Variants in HMCES observed in about 807,000 individuals in gnomAD.
HMCES encodes abasic site processing protein HMCES.
HMCES carries 27 observed loss-of-function variants against 35.1 expected under a neutral mutation model. That is an observed-to-expected ratio of 0.77 (90% CI 0.57 to 1.06). The LOEUF (loss-of-function observed/expected upper bound fraction) is 1.06, where lower values mean the gene tolerates loss of function less well. HMCES is among the 50% of genes least tolerant of loss of function. The probability of loss-of-function intolerance (pLI) is 0.00; values close to 1 mark genes in which losing one functional copy is unlikely to be tolerated. For missense variants in HMCES, 391 were observed against 430.4 expected (o/e 0.91, Z 0.81); for synonymous variants, 130 against 154.7 (o/e 0.84, Z 1.18).
intron 5 of HMCES, among the ~76,000 whole-genome samples, chr3:129,300,166 TTATATATATA>T (rs35145445): frequency 1.4e-5 from 2 of 141,190 alleles, no homozygotes; most frequent in Admixed American, 7.2e-5. Context: ...ATGTGCATCT[TTATATATATA>T]TATATATATA....
At chr3:129,283,216 G>A (rs1940545792) in intron 2 of HMCES, among the ~76,000 whole-genome samples, 1 of 152,020 alleles carries the variant, frequency 6.6e-6, no homozygotes, top group African/African-American at 2.4e-5. Flanking sequence ...GAGAACCACA[G>A]ATTTTTTCAG....
At chr3:129,299,878 C>T (rs1300571739) in intron 5 of HMCES, among the ~76,000 whole-genome samples, 1 of 151,758 alleles carries the variant, frequency 6.6e-6, no homozygotes, top group Non-Finnish European at 1.5e-5. Flanking sequence ...ATCCACCTGC[C>T]TCGGCCTCCC....
chr3:129,282,724 C>T (rs920890788), intron 2 of HMCES, among the ~76,000 whole-genome samples: 1 of 152,176 alleles, frequency 6.6e-6, no homozygotes, highest in African/African-American at 2.4e-5. Flanking sequence ...TAACAGCCTG[C>T]ATATGTATAT....
intron 2 of HMCES, among the ~76,000 whole-genome samples, chr3:129,280,121 G>T (rs1294349330): frequency 6.6e-6 from 1 of 152,130 alleles, no homozygotes; most frequent in Non-Finnish European, 1.5e-5. Flanking sequence ...TATTTTTCAG[G>T]CTCAATTTAA....
rs1166339678 is a variant in HMCES, at chr3:129,306,056, G to C, written c.*1231G>C. ...TCAGTCACCCTGCACTGTGGAGGCG[G>C]GGGCCTCCCTTGTGGACTGATTTGC... On this transcript the variant is annotated 3_prime_UTR_variant, in exon 7 of 7. Transcript: ENST00000383463. The C allele has an allele frequency of 6.6e-6, 1 of 152,232 alleles. No homozygotes were observed. Among genetic ancestry groups the C allele is most frequent in the African/African-American group, 2.4e-5 (1 of 41,464 alleles). 9.4% of individuals were successfully genotyped at this position (152,232 alleles called of 1,614,324 possible).
intron 2 of HMCES, among the ~76,000 whole-genome samples, chr3:129,282,441 A>T (rs1374658045): frequency 6.6e-6 from 1 of 152,208 alleles, no homozygotes; most frequent in East Asian, 1.9e-4. Context: ...TCAGTGAGGG[A>T]CAGAACTAGA....
chr3:129,303,063 T>C lies in HMCES; in HGVS notation c.828+921T>C, dbSNP rs1223819097. 2.0e-5 allele frequency among the ~76,000 whole-genome samples: 3 copies of C among 152,104 alleles called. No individual in the cohort carries two copies. In the East Asian group the frequency reaches 5.8e-4, roughly 29 times the overall value. ...AGTCCTTAGTCTCCTTCAGGAGGAT[T>C]TGAGAGCATTCCTACCATGAACCTT... On this transcript the variant is annotated intron_variant, in intron 6 of 6. Coordinates refer to ENST00000383463, the MANE Select transcript of HMCES (RefSeq NM_020187.3).
Position 129,304,776 on chromosome 3 carries a change from AGCG to A in HMCES, c.1018_1020del (p.Arg340del). 2 of 1,614,170 alleles carry A rather than the reference AGCG, an allele frequency of 1.2e-6. No homozygotes were observed. Among genetic ancestry groups the A allele is most frequent in the Non-Finnish European group, 8.5e-7 (1 of 1,180,022 alleles). ...GCAGGACTCCTAGAGCAATGGCTGA[AGCG>A]GGAGAAGGAGGAGGAACCTGTGGCC... On this transcript the variant is annotated inframe_deletion, in exon 7 of 7. Transcript: ENST00000383463.
chr3:129,302,178 T>G lies in HMCES; in HGVS notation c.828+36T>G, dbSNP rs1399940937. The G allele has an allele frequency of 3.3e-6, 5 of 1,527,150 alleles. No individual in the cohort carries two copies. In the Admixed American group the frequency reaches 1.1e-4, roughly 32 times the overall value. 94.6% of individuals were successfully genotyped at this position (1,527,150 alleles called of 1,614,324 possible). A position where few individuals can be genotyped will look rare whatever the true frequency, so the allele number is the denominator to read the frequency against. On this transcript the variant is annotated intron_variant, in intron 6 of 6. Transcript: ENST00000383463. ...GTGACTGGTACAGTCCTTTTTGAGC[T>G]TTCTGTCTTCTGTCAGTGTTCTCTT... is the stretch of plus-strand genomic sequence containing the variant.
Position 129,302,114 on chromosome 3 carries a change from T to C in HMCES, c.800T>C (p.Leu267Pro), listed in dbSNP as rs759257249. ...NNSRNNTPEC[L>P]APVDLVVKKE... is the part of the protein sequence containing the mutation. ...TCGCGAAACAACACTCCTGAGTGTC[T>C]GGCTCCTGTCGACTTGGTGGTCAAA... is the stretch of plus-strand genomic sequence containing the variant. The change falls in exon 6 of 7, where the codon CTG (leucine) becomes CCG (proline). Residue 267 changes from leucine to proline, a missense_variant. Coordinates refer to ENST00000383463, the MANE Select transcript of HMCES (RefSeq NM_020187.3). The C allele has an allele frequency of 1.2e-6, 2 of 1,613,476 alleles. No individual in the cohort carries two copies. The highest frequency in any genetic ancestry group is 1.1e-5 in the South Asian group (1 of 90,906).
In HMCES at chr3:129,304,848, G is replaced by A; in HGVS notation, c.*23G>A. On this transcript the variant is annotated 3_prime_UTR_variant, in exon 7 of 7. Transcript: ENST00000383463. The stretch of plus-strand genomic sequence containing the variant: ...TGACACAGGACTTTCAGAGACCAAG[G>A]CCAGGGTCTGCTGCACTGCTGTTCT... The A allele has an allele frequency of 6.4e-7, 1 of 1,562,456 alleles. No homozygotes were observed. Among genetic ancestry groups the A allele is most frequent in the Non-Finnish European group, 8.8e-7 (1 of 1,133,478 alleles).
At chr3:129,303,447 A>G (rs953507562) in intron 6 of HMCES, among the ~76,000 whole-genome samples, 3 of 152,208 alleles carry the variant, frequency 2.0e-5, no homozygotes, top group Admixed American at 2.0e-4. Context: ...TAAAAATTAG[A>G]TAACTCTAAA....
At position 129,298,731 on chromosome 3, in the gene HMCES, G is replaced by A. The variant is rs143793655; in HGVS notation, c.635+196G>A. Among the ~76,000 whole-genome samples, 158 of 152,244 alleles carry A rather than the reference G, an allele frequency of 1.0e-3. 4 individuals carry two copies. In the East Asian group the frequency reaches 0.03, roughly 29 times the overall value. ...GATAGAATAAAAACCAAATAACTTAGGGGAAAAGTGGGGTTAAGGAGACAA... is the reference window on the plus strand; with the variant it reads ...GATAGAATAAAAACCAAATAACTTAAGGGAAAAGTGGGGTTAAGGAGACAA... On this transcript the variant is annotated intron_variant, in intron 5 of 6. Coordinates refer to ENST00000383463, the MANE Select transcript of HMCES (RefSeq NM_020187.3).
Position 129,279,683 on chromosome 3 carries a change from CT to C in HMCES, c.-23-23del, listed in dbSNP as rs768829047. On this transcript the variant is annotated intron_variant, in intron 1 of 6. Transcript: ENST00000383463. This position sits in a 1 kb window ranked among gnomAD's most constrained non-coding sequence, Gnocchi z 4.2. ...GACCTAATATTTGAGATACGTAAGC[CT>C]TTTCCTTACGTTTTGTAATTTAAAG... 1 of 1,597,488 alleles carries C rather than the reference CT, an allele frequency of 6.3e-7. No individual in the cohort carries two copies. The highest frequency in any genetic ancestry group is 8.5e-7 in the Non-Finnish European group (1 of 1,169,816).
At chr3:129,293,397 A>G (rs1020771105) in intron 4 of HMCES, among the ~76,000 whole-genome samples, 2 of 152,154 alleles carry the variant, frequency 1.3e-5, no homozygotes, top group African/African-American at 4.8e-5. Flanking sequence ...ATTAAAAAAG[A>G]AAATTCCCAG....
intron 4 of HMCES, among the ~76,000 whole-genome samples, chr3:129,295,162 A>G (rs996467392): frequency 2.6e-5 from 4 of 151,546 alleles, no homozygotes; most frequent in African/African-American, 9.7e-5. Context: ...CCATCTCAAA[A>G]AAAAAAAAAA....
intron 4 of HMCES, among the ~76,000 whole-genome samples, chr3:129,294,064 G>T (rs1034824497): frequency 9.9e-5 from 15 of 151,886 alleles, no homozygotes; most frequent in Non-Finnish European, 1.8e-4. Flanking sequence ...TTCTGTTTTG[G>T]GAATAATCTT....
chr3:129,286,720 TTA>T (rs2107687964), intron 2 of HMCES, among the ~76,000 whole-genome samples: 1 of 152,328 alleles, frequency 6.6e-6, no homozygotes, highest in East Asian at 1.9e-4. Flanking sequence ...CAATTTCTTT[TTA>T]TTTTTTTTTA....
intron 2 of HMCES, among the ~76,000 whole-genome samples, chr3:129,281,494 C>T (rs555733586): frequency 1.0e-3 from 154 of 151,620 alleles, no homozygotes; most frequent in African/African-American, 3.5e-3. Flanking sequence ...AGTTCGAGAC[C>T]AGCCTGGCCA....
Sources: allele counts gnomAD v4.1 joint callset (sites outside exome capture counted in the v4.1 genomes callset), GRCh38; gene constraint gnomAD v4.1.1; non-coding constraint Gnocchi (gnomAD v3.1); transcripts MANE v1.5; gene names NCBI Gene and HGNC (gene_info 2026-07-23, HGNC 2026-07-21).